The following HABP2 variants were observed in gnomAD, a reference collection of about 807,000 sequenced individuals.
HABP2 encodes the protein factor VII-activating protease.
A neutral mutation model predicts 66.5 loss-of-function variants in HABP2; 65 were observed. That is an observed-to-expected ratio of 0.98 (90% CI 0.80 to 1.20). HABP2 has a LOEUF of 1.20. HABP2 is among the 50% of genes most tolerant of loss of function. HABP2 has a pLI of 0.00. For synonymous variants in HABP2, 263 were observed against 253.9 expected (o/e 1.04, Z -0.34); for missense variants, 786 against 691.0 (o/e 1.14, Z -1.54).
At chr10:113,580,040 A>G (rs771765715) in intron 7 of HABP2, among the ~76,000 whole-genome samples, 8 of 152,038 alleles carry the variant, frequency 5.3e-5, no homozygotes, top group Non-Finnish European at 1.2e-4. Context: ...TTGGCCTCCC[A>G]AAGTGCTGGG....
chr10:113,569,130 C>T (rs11575718), intron 2 of HABP2, among the ~76,000 whole-genome samples: 3,755 of 152,316 alleles, frequency 0.025, 78 homozygotes, highest in African/African-American at 0.055. Flanking sequence ...ACTGGGCTCT[C>T]AGGAGGTAAT....
chr10:113,587,811 G>A (rs1845680535), intron 12 of HABP2, among the ~76,000 whole-genome samples: 1 of 152,028 alleles, frequency 6.6e-6, no homozygotes, highest in Non-Finnish European at 1.5e-5. Context: ...GTAGGGCCTG[G>A]CTTAAAACCC....
At chr10:113,567,327 T>C (rs369769356) in intron 1 of HABP2, among the ~76,000 whole-genome samples, 162 bp from the exon 2 acceptor site, 26 of 152,242 alleles carry the variant, frequency 1.7e-4, no homozygotes, top group African/African-American at 5.5e-4. Context: ...TATCTTCAAA[T>C]AGACCCCATT....
chr10:113,565,606 C>G (rs1392956116), intron 1 of HABP2, among the ~76,000 whole-genome samples: 2 of 152,192 alleles, frequency 1.3e-5, no homozygotes, highest in African/African-American at 2.4e-5. Context: ...ACCCCTATGC[C>G]CCAACATTGA....
chr10:113,573,478 C>A (rs1427314241), intron 2 of HABP2, among the ~76,000 whole-genome samples: 1 of 152,186 alleles, frequency 6.6e-6, no homozygotes, highest in Non-Finnish European at 1.5e-5. Flanking sequence ...TGTAAGACCC[C>A]AGTTGAAACA....
chr10:113,583,657 G>A (rs1845582780), intron 10 of HABP2, among the ~76,000 whole-genome samples: 1 of 152,226 alleles, frequency 6.6e-6, no homozygotes, highest in Non-Finnish European at 1.5e-5. Flanking sequence ...CTCACCTCCT[G>A]AGCCCTCTTT....
chr10:113,559,195 AT>A (rs1195906572), intron 1 of HABP2, among the ~76,000 whole-genome samples: 1 of 152,176 alleles, frequency 6.6e-6, no homozygotes, highest in Non-Finnish European at 1.5e-5. Flanking sequence ...GCATTATCAT[AT>A]GCAGAATTTT....
chr10:113,580,698 G>C lies in HABP2; in HGVS notation c.838+6G>C, dbSNP rs1845510640. ...CTCAGCCTGCTCAGCCCAGGGTAAA[G>C]GCCATGGCTGTTCAGAAGCCCAGGG... On this transcript the variant is annotated splice_donor_region_variant and intron_variant, in intron 8 of 12. Coordinates refer to ENST00000351270, the MANE Select transcript of HABP2 (RefSeq NM_004132.5). The C allele has an allele frequency of 2.1e-6, 3 of 1,460,598 alleles. No homozygotes were observed. Among genetic ancestry groups the C allele is most frequent in the Admixed American group, 1.7e-5 (1 of 59,688 alleles). The allele number at this position is 1,460,598 out of a possible 1,614,324, so 90.5% of individuals were successfully genotyped here. A position where few individuals can be genotyped will look rare whatever the true frequency, so the allele number is the denominator to read the frequency against.
intron 1 of HABP2, among the ~76,000 whole-genome samples, chr10:113,567,151 C>T (rs1013761742): frequency 6.6e-6 from 1 of 152,134 alleles, no homozygotes; most frequent in Admixed American, 6.6e-5. Flanking sequence ...AATGTGTGAT[C>T]AGGCAGGGAG....
chr10:113,578,571 T>A lies in HABP2; in HGVS notation c.569-56T>A, dbSNP rs182952753. On this transcript the variant is annotated intron_variant, in intron 6 of 12. Coordinates refer to ENST00000351270, the MANE Select transcript of HABP2 (RefSeq NM_004132.5). ...TGTCACATACCCACCAAGCCCTTTT[T>A]GGGAGTGGCATGCCAATGGCTGTTG... The A allele has an allele frequency of 6.2e-4, 793 of 1,276,188 alleles. 5 individuals carry two copies. Among genetic ancestry groups the A allele is most frequent in the Non-Finnish European group, 5.2e-5 (46 of 887,614 alleles). The allele number at this position is 1,276,188 out of a possible 1,614,324, so 79.1% of individuals were successfully genotyped here. A position where few individuals can be genotyped will look rare whatever the true frequency, so the allele number is the denominator to read the frequency against.
At position 113,589,228 on chromosome 10, in the gene HABP2, A is replaced by G. The variant is rs886046748; in HGVS notation, c.*859A>G. On this transcript the variant is annotated 3_prime_UTR_variant, in exon 13 of 13. Transcript: ENST00000351270. ...TTTCCCCTCTTCTACCCTCCCCAAG[A>G]AAAAGGGCCTTCAAGGCAGGAATGA... is the stretch of plus-strand genomic sequence containing the variant. The G allele has an allele frequency of 2.2e-5, 14 of 625,958 alleles. No homozygotes were observed. Among genetic ancestry groups the G allele is most frequent in the Non-Finnish European group, 3.6e-5 (13 of 364,804 alleles). The allele number at this position is 625,958 out of a possible 1,614,324, so 38.8% of individuals were successfully genotyped here.
chr10:113,568,251 G>A (rs536568136), intron 2 of HABP2, among the ~76,000 whole-genome samples: 7 of 152,326 alleles, frequency 4.6e-5, no homozygotes, highest in Middle Eastern at 3.4e-3. Context: ...AATTCTGCTC[G>A]CCACTCCATC....
intron 8 of HABP2, 115 bp from the exon 9 acceptor site, chr10:113,581,761 C>A (rs1286293674): frequency 4.0e-6 from 4 of 1,007,472 alleles, no homozygotes; most frequent in Non-Finnish European, 6.1e-6. Flanking sequence ...AGTGCAGTCT[C>A]TCAGCTCTGG....
chr10:113,589,488 C>A lies in HABP2; in HGVS notation c.*1119C>A, dbSNP rs753669869. The stretch of plus-strand genomic sequence containing the variant: ...AAAGCCCTGCAGGAAGTTTAACCTG[C>A]GTGTCATCTGCCTGGTCATCTCAGA... On this transcript the variant is annotated 3_prime_UTR_variant, in exon 13 of 13. Coordinates refer to ENST00000351270, the MANE Select transcript of HABP2 (RefSeq NM_004132.5). 13 of 689,172 alleles carry A rather than the reference C, an allele frequency of 1.9e-5. No individual in the cohort carries two copies. The Admixed American group carries it at 2.4e-4, about 13-fold the overall frequency. The allele number at this position is 689,172 out of a possible 1,614,324, so 42.7% of individuals were successfully genotyped here.
At chr10:113,577,097 C>T in intron 4 of HABP2, 53 bp from the exon 5 acceptor site, 1 of 949,734 alleles carries the variant, frequency 1.1e-6, no homozygotes. Flanking sequence ...TACATGTATC[C>T]CTCTAAGGAA....
rs775334981 is a variant in HABP2 at position 113,575,878 on chromosome 10, T to G, written c.224-19T>G. Reference sequence around the variant, plus strand: ...CCTGCCTTTCCTTACCAACATTGCCTTCTTCCTGTGTGTCTTAGATCCATG... The same window carrying G: ...CCTGCCTTTCCTTACCAACATTGCCGTCTTCCTGTGTGTCTTAGATCCATG... On this transcript the variant is annotated intron_variant, in intron 3 of 12. Transcript: ENST00000351270. The G allele has an allele frequency of 1.4e-6, 2 of 1,464,978 alleles. No individual in the cohort carries two copies. Among genetic ancestry groups the G allele is most frequent in the East Asian group, 4.5e-5 (2 of 44,076 alleles). The allele number at this position is 1,464,978 out of a possible 1,614,324, so 90.7% of individuals were successfully genotyped here.
At chr10:113,569,207 T>A (rs1314972147) in intron 2 of HABP2, among the ~76,000 whole-genome samples, 2 of 152,182 alleles carry the variant, frequency 1.3e-5, no homozygotes, top group Non-Finnish European at 2.9e-5. Context: ...GTGAAGAGTA[T>A]TTAATTTAAC....
intron 11 of HABP2, among the ~76,000 whole-genome samples, chr10:113,585,456 T>C (rs1211515295): frequency 6.6e-6 from 1 of 152,194 alleles, no homozygotes; most frequent in Admixed American, 6.5e-5. Flanking sequence ...CATCCATCCA[T>C]TCATTCACTA....
At chr10:113,574,877 C>T (rs11196383) in intron 3 of HABP2, among the ~76,000 whole-genome samples, 10,094 of 152,214 alleles carry the variant, frequency 0.066, 438 homozygotes, top group East Asian at 0.22. Flanking sequence ...CCTTCCCTTC[C>T]ACTTTTTCTT....
Sources: gnomAD v4.1 joint callset for allele counts (sites outside exome capture counted in the v4.1 genomes callset) on GRCh38, gnomAD v4.1.1 for gene constraint, MANE v1.5 for transcripts, NCBI Gene and HGNC (gene_info 2026-07-23, HGNC 2026-07-21) for gene names.